SNX29: variants seen among roughly 807,000 people sequenced by gnomAD.
SNX29 encodes the protein sorting nexin 29.
A neutral mutation model predicts 102.1 loss-of-function variants in SNX29; 78 were observed. The ratio of observed to expected loss-of-function variants is 0.76; its 90% CI spans 0.64 to 0.92. The LOEUF (loss-of-function observed/expected upper bound fraction) is 0.92, where lower values mean the gene tolerates loss of function less well. Ranked by LOEUF, SNX29 falls within the 40% of genes least tolerant of loss-of-function variation. SNX29 has a pLI of 0.00. For synonymous variants in SNX29, 580 were observed against 414.5 expected, an observed-to-expected ratio of 1.40 and a Z score of -4.85; for missense variants, 1,280 against 1,061.7, an observed-to-expected ratio of 1.21 and a Z score of -2.86.
chr16:12,197,007 G>C (rs888575786), intron 13 of SNX29, among the ~76,000 whole-genome samples: 17 of 152,190 alleles, frequency 1.1e-4, no homozygotes, highest in African/African-American at 4.1e-4. Flanking sequence ...ACATTTTAGT[G>C]CTGGCCACAG....
At chr16:12,544,454 C>G (rs1333141172) in intron 20 of SNX29, among the ~76,000 whole-genome samples, 2 of 152,168 alleles carry the variant, frequency 1.3e-5, no homozygotes, top group African/African-American at 2.4e-5. Flanking sequence ...TCTACCCTAT[C>G]TCATTCTGAA....
chr16:12,512,034 C>T (rs1345232560), intron 19 of SNX29, among the ~76,000 whole-genome samples: 2 of 151,810 alleles, frequency 1.3e-5, no homozygotes, highest in East Asian at 1.9e-4. Context: ...GTGAGGAGGA[C>T]CCTGGAGGGC....
At chr16:12,175,955 A>G (rs193160763) in intron 13 of SNX29, among the ~76,000 whole-genome samples, 1 of 152,160 alleles carries the variant, frequency 6.6e-6, no homozygotes, top group African/African-American at 2.4e-5. Flanking sequence ...ACAGTGAGCT[A>G]TGATTGTGTC....
chr16:12,151,875 A>G (rs1336483453), intron 13 of SNX29, among the ~76,000 whole-genome samples: 5 of 152,132 alleles, frequency 3.3e-5, no homozygotes, highest in Admixed American at 1.3e-4. Context: ...AGCTGGGATT[A>G]CAGGTGCACA....
intron 20 of SNX29, among the ~76,000 whole-genome samples, chr16:12,541,972 C>G (rs780613878): frequency 1.5e-4 from 23 of 152,202 alleles, no homozygotes; most frequent in African/African-American, 3.1e-4. Flanking sequence ...ACTTCAGAGA[C>G]TTGGCTTGTC....
intron 20 of SNX29, among the ~76,000 whole-genome samples, chr16:12,551,188 C>T (rs776634523): frequency 6.6e-6 from 1 of 152,048 alleles, no homozygotes; most frequent in Non-Finnish European, 1.5e-5. Context: ...GACTTCCCCA[C>T]AGAGAGCCTT....
chr16:11,983,707 C>G lies in SNX29; in HGVS notation c.7+6894C>G, dbSNP rs576379916. ...TATCTTGCCTCCTGGTTGCTTGACT[C>G]CAGGTAACTGATAGGAACTCAAATG... On this transcript the variant is annotated intron_variant, in intron 1 of 20. Transcript: ENST00000566228. 6.7e-5 allele frequency: 66 copies of G among 985,288 alleles called. No individual in the cohort carries two copies. The Admixed American group carries it at 3.7e-3, about 55-fold the overall frequency. The allele number at this position is 985,288 out of a possible 1,614,324, so 61.0% of individuals were successfully genotyped here. A position where few individuals can be genotyped will look rare whatever the true frequency, so the allele number is the denominator to read the frequency against.
intron 20 of SNX29, among the ~76,000 whole-genome samples, chr16:12,535,315 T>G (rs1045698094): frequency 2.0e-5 from 3 of 152,114 alleles, no homozygotes; most frequent in Non-Finnish European, 4.4e-5. Context: ...ATTTTTGTAT[T>G]TTTAGTAGAG....
At chr16:12,557,015 A>ACTC (rs66825746) in intron 20 of SNX29, among the ~76,000 whole-genome samples, 1 of 31,812 alleles carries the variant, frequency 3.1e-5, no homozygotes, top group East Asian at 6.4e-4. Flanking sequence ...TGGCTAATTT[A>ACTC]CCCCCCCCCC....
In SNX29 at chr16:12,538,698, G is replaced by T. The variant is rs10852350; in HGVS notation, c.2318+13857G>T. Among the ~76,000 whole-genome samples the T allele has an allele frequency of 2.6e-4, 39 of 151,932 alleles. 1 individual carries two copies. Among genetic ancestry groups the T allele is most frequent in the East Asian group, 1.4e-3 (7 of 5,166 alleles). On this transcript the variant is annotated intron_variant, in intron 20 of 20. Coordinates refer to ENST00000566228, the MANE Select transcript of SNX29 (RefSeq NM_032167.5). ...CATCCTCCTCCCAGGACCAGTGGGC[G>T]AGCCTGGGCATGTACATCAGGGAGC...
chr16:12,073,520 C>A (rs1159812315), intron 10 of SNX29, among the ~76,000 whole-genome samples: 3 of 152,138 alleles, frequency 2.0e-5, no homozygotes, highest in Non-Finnish European at 4.4e-5. Flanking sequence ...AGTTTGATTG[C>A]ACTGTGGTCT....
chr16:12,371,367 T>C (rs928506037), intron 16 of SNX29, among the ~76,000 whole-genome samples: 1 of 152,112 alleles, frequency 6.6e-6, no homozygotes, highest in South Asian at 2.1e-4. Context: ...GGTGTACTTA[T>C]AGCTCACTGC....
At chr16:12,411,428 A>G (rs567670248) in intron 18 of SNX29, among the ~76,000 whole-genome samples, 1 of 152,342 alleles carries the variant, frequency 6.6e-6, no homozygotes, top group East Asian at 1.9e-4. Flanking sequence ...TGGAATGCTC[A>G]GGGCTCCCAG....
chr16:12,111,279 C>G (rs1248788930), intron 11 of SNX29, among the ~76,000 whole-genome samples: 1 of 152,184 alleles, frequency 6.6e-6, no homozygotes, highest in Non-Finnish European at 1.5e-5. Flanking sequence ...CCCTGCCCAG[C>G]ACCCTGCTGT....
At chr16:12,019,921 G>T (rs2056969858) in intron 3 of SNX29, among the ~76,000 whole-genome samples, 1 of 152,092 alleles carries the variant, frequency 6.6e-6, no homozygotes, top group Non-Finnish European at 1.5e-5. Flanking sequence ...ACAGGCATGA[G>T]CCACTGCACC....
intron 14 of SNX29, among the ~76,000 whole-genome samples, 180 bp downstream of exon 14, chr16:12,199,863 A>G (rs1416506382): frequency 1.3e-5 from 2 of 152,382 alleles, no homozygotes; most frequent in East Asian, 3.9e-4. Context: ...TCCCTGCAAC[A>G]TGCATAACTA....
At chr16:12,017,868 T>C (rs2056896470) in intron 3 of SNX29, among the ~76,000 whole-genome samples, 1 of 152,160 alleles carries the variant, frequency 6.6e-6, no homozygotes, top group African/African-American at 2.4e-5. Context: ...AATGCTTCCA[T>C]ATGTATTAGG....
At chr16:12,120,760 A>G (rs2053939490) in intron 11 of SNX29, among the ~76,000 whole-genome samples, 1 of 152,182 alleles carries the variant, frequency 6.6e-6, no homozygotes, top group Admixed American at 6.5e-5. Context: ...CACTGCCGAG[A>G]AAGGAGGGGA....
intron 11 of SNX29, among the ~76,000 whole-genome samples, chr16:12,083,297 CTA>C (rs1356521496): frequency 2.9e-5 from 4 of 138,680 alleles, no homozygotes; most frequent in African/African-American, 5.9e-5. Flanking sequence ...CAGAGCAAGA[CTA>C]TGTCTCAAAA....
Sources: gnomAD v4.1 joint callset for allele counts (sites outside exome capture counted in the v4.1 genomes callset) on GRCh38, gnomAD v4.1.1 for gene constraint, MANE v1.5 for transcripts, NCBI Gene and HGNC (gene_info 2026-07-23, HGNC 2026-07-21) for gene names.